The following SEPTIN9 variants were observed in gnomAD, a reference collection of about 807,000 sequenced individuals.
SEPTIN9 encodes septin 9, also known as septin-9.
SEPTIN9 carries 13 observed loss-of-function variants against 56.6 expected under a neutral mutation model. The observed-to-expected ratio is 0.23, with a 90% CI of 0.15 to 0.37. The LOEUF (loss-of-function observed/expected upper bound fraction) is 0.37. SEPTIN9 is among the 10% of genes least tolerant of loss of function. The pLI is 1.00. For missense variants in SEPTIN9, 650 were observed against 823.1 expected, an observed-to-expected ratio of 0.79 and a Z score of 2.57; for synonymous variants, 332 against 334.1, an observed-to-expected ratio of 0.99 and a Z score of 0.07.
At chr17:77,385,971 A>G (rs2035321966) in intron 2 of SEPTIN9, among the ~76,000 whole-genome samples, 1 of 152,204 alleles carries the variant, frequency 6.6e-6, no homozygotes, top group South Asian at 2.1e-4. Context: ...GGGTCATTCC[A>G]TGTCCGGGCT....
Position 77,425,206 on chromosome 17 carries a change from G to T in SEPTIN9, c.721+22503G>T, listed in dbSNP as rs113628642. ...AAGATGGGCCCAGCTGTGGGAGGTCGTGCGGGCTGGGGACTGAGAGTGCCG... is the reference window on the plus strand; with the variant it reads ...AAGATGGGCCCAGCTGTGGGAGGTCTTGCGGGCTGGGGACTGAGAGTGCCG... On this transcript the variant is annotated intron_variant, in intron 3 of 11. Coordinates refer to ENST00000427177, the MANE Select transcript of SEPTIN9 (RefSeq NM_001113491.2). This position sits in a 1 kb window ranked among gnomAD's most constrained non-coding sequence, Gnocchi z 4.2. Among the ~76,000 whole-genome samples the T allele has an allele frequency of 6.6e-6, 1 of 152,116 alleles. No individual in the cohort carries two copies. Among genetic ancestry groups the T allele is most frequent in the East Asian group, 1.9e-4 (1 of 5,184 alleles).
At chr17:77,461,076 G>C (rs1598410668) in intron 3 of SEPTIN9, among the ~76,000 whole-genome samples, 1 of 152,064 alleles carries the variant, frequency 6.6e-6, no homozygotes, top group Non-Finnish European at 1.5e-5. Flanking sequence ...AGGCTGAGGC[G>C]GGTGGATCAC....
At chr17:77,460,345 G>A (rs1375326837) in intron 3 of SEPTIN9, among the ~76,000 whole-genome samples, 1 of 152,136 alleles carries the variant, frequency 6.6e-6, no homozygotes, top group Non-Finnish European at 1.5e-5. Flanking sequence ...GTGCTGGGCT[G>A]GCTCCTCACA....
At chr17:77,308,625 G>T (rs2032362128) in intron 2 of SEPTIN9, among the ~76,000 whole-genome samples, 1 of 152,196 alleles carries the variant, frequency 6.6e-6, no homozygotes, top group African/African-American at 2.4e-5. Context: ...ATCTACGTGT[G>T]GCTAGTGGCT....
intron 2 of SEPTIN9, among the ~76,000 whole-genome samples, chr17:77,348,913 T>G (rs2033972352): frequency 6.6e-6 from 1 of 152,176 alleles, no homozygotes; most frequent in South Asian, 2.1e-4. Context: ...TATTTGCCCA[T>G]GTATTTGCTA....
chr17:77,353,904 A>T (rs1458186290), intron 2 of SEPTIN9, among the ~76,000 whole-genome samples: 1 of 152,148 alleles, frequency 6.6e-6, no homozygotes, highest in East Asian at 1.9e-4. Flanking sequence ...GTGTGCACAC[A>T]TGTATGCACA....
chr17:77,438,041 G>T (rs2037412106), intron 3 of SEPTIN9, among the ~76,000 whole-genome samples: 1 of 152,260 alleles, frequency 6.6e-6, no homozygotes, highest in African/African-American at 2.4e-5. Flanking sequence ...GCATCGTGTG[G>T]GCCGGGGCTT....
At chr17:77,356,311 C>T (rs1204809791) in intron 2 of SEPTIN9, among the ~76,000 whole-genome samples, 2 of 152,080 alleles carry the variant, frequency 1.3e-5, no homozygotes, top group South Asian at 2.1e-4. Context: ...TTGGGAGACC[C>T]GGTGGGGACT....
intron 2 of SEPTIN9, among the ~76,000 whole-genome samples, chr17:77,382,435 G>T (rs2035178225): frequency 6.6e-6 from 1 of 152,200 alleles, no homozygotes; most frequent in Non-Finnish European, 1.5e-5. Flanking sequence ...GAGGGCTGTT[G>T]GTGCCAGCAC....
chr17:77,322,562 C>T (rs2143664428), intron 2 of SEPTIN9: 1 of 152,368 alleles, frequency 6.6e-6, no homozygotes, highest in Non-Finnish European at 1.5e-5. Context: ...CTTTAATTGT[C>T]ACTGAACTCC....
chr17:77,344,969 CAAAAAAAAAAA>C (rs35165946), intron 2 of SEPTIN9, among the ~76,000 whole-genome samples: 1,994 of 68,054 alleles, frequency 0.029, 64 homozygotes, highest in African/African-American at 0.092. Flanking sequence ...AAGACTGCCT[CAAAAAAAAAAA>C]AAAAAAAAAA....
intron 1 of SEPTIN9, among the ~76,000 whole-genome samples, chr17:77,296,887 G>T (rs1206730375): frequency 6.6e-6 from 1 of 152,010 alleles, no homozygotes. Context: ...TGAATGGATA[G>T]ATAGCTAGAT....
rs4789455 is a variant in SEPTIN9, at chr17:77,497,603, A to G, written c.1625+237A>G. The G allele has an allele frequency of 0.42, 250,368 of 594,118 alleles. 59,013 individuals carry two copies. Among genetic ancestry groups the G allele is most frequent in the East Asian group, 0.82 (28,793 of 35,228 alleles). 36.8% of individuals were successfully genotyped at this position (594,118 alleles called of 1,614,324 possible). ...CCCCTGCGAAGTTGGCTGGATGGGAAGGCTGAGCTTTGATCCACTGTGGTC... is the reference window on the plus strand; with the variant it reads ...CCCCTGCGAAGTTGGCTGGATGGGAGGGCTGAGCTTTGATCCACTGTGGTC... On this transcript the variant is annotated intron_variant, in intron 11 of 11. Transcript: ENST00000427177.
intron 3 of SEPTIN9, among the ~76,000 whole-genome samples, chr17:77,408,746 A>G (rs2036184273): frequency 6.6e-6 from 1 of 152,136 alleles, no homozygotes; most frequent in South Asian, 2.1e-4. Context: ...GGTGGGGATC[A>G]GGGACTGTGA....
rs1312830036 is a variant in SEPTIN9, at chr17:77,436,963, A to G, written c.721+34260A>G. Among the ~76,000 whole-genome samples, 1 of 152,230 alleles carries G rather than the reference A, an allele frequency of 6.6e-6. No individual in the cohort carries two copies. Among genetic ancestry groups the G allele is most frequent in the Non-Finnish European group, 1.5e-5 (1 of 68,024 alleles). On this transcript the variant is annotated intron_variant, in intron 3 of 11. Coordinates refer to ENST00000427177, the MANE Select transcript of SEPTIN9 (RefSeq NM_001113491.2). The surrounding 1 kb of genome is among the most constrained non-coding windows in gnomAD (Gnocchi z 4.4). ...AGTGGAAGATGCAGGACACAGATTC[A>G]CGCGATTGTGCAGATCACCTGGCCT...
At chr17:77,325,517 G>A (rs986620554) in intron 2 of SEPTIN9, among the ~76,000 whole-genome samples, 4 of 152,162 alleles carry the variant, frequency 2.6e-5, no homozygotes, top group African/African-American at 7.2e-5. Flanking sequence ...GCTCCCTACC[G>A]GGAAAGCCTG....
chr17:77,303,328 C>T (rs1372953727), intron 1 of SEPTIN9, among the ~76,000 whole-genome samples: 1 of 149,882 alleles, frequency 6.7e-6, no homozygotes, highest in African/African-American at 2.4e-5. Context: ...CTCGAACTGA[C>T]CTCGGGTGAC....
intron 7 of SEPTIN9, among the ~76,000 whole-genome samples, chr17:77,490,302 G>A (rs1211568061): frequency 6.6e-6 from 1 of 151,900 alleles, no homozygotes; most frequent in Non-Finnish European, 1.5e-5. Flanking sequence ...AGCAGGCAAG[G>A]GGAGCAGCCC....
At chr17:77,401,661 G>A (rs546451850) in intron 2 of SEPTIN9, among the ~76,000 whole-genome samples, 3 of 151,962 alleles carry the variant, frequency 2.0e-5, no homozygotes, top group South Asian at 4.2e-4. Context: ...TAGGAGAATC[G>A]CTTGAACCCG....
Sources: allele counts gnomAD v4.1 joint callset (sites outside exome capture counted in the v4.1 genomes callset), GRCh38; gene constraint gnomAD v4.1.1; non-coding constraint Gnocchi (gnomAD v3.1); transcripts MANE v1.5; gene names NCBI Gene and HGNC (gene_info 2026-07-23, HGNC 2026-07-21).